The following RABGAP1L variants were observed in gnomAD, a reference collection of about 807,000 sequenced individuals.
RABGAP1L encodes RAB GTPase activating protein 1 like.
In RABGAP1L, 63 loss-of-function variants were observed where a neutral mutation model predicts 137.7. The observed-to-expected ratio is 0.46, with a 90% CI of 0.37 to 0.56. The LOEUF is 0.56. Ranked by LOEUF, RABGAP1L falls within the 20% of genes least tolerant of loss-of-function variation. The pLI, the probability that RABGAP1L is intolerant of heterozygous loss-of-function variation, is 0.00. For synonymous variants in RABGAP1L, 431 were observed against 433.7 expected, an observed-to-expected ratio of 0.99 and a Z score of 0.08; for missense variants, 1,095 against 1,244.0, an observed-to-expected ratio of 0.88 and a Z score of 1.80.
intron 3 of RABGAP1L, among the ~76,000 whole-genome samples, chr1:174,224,516 A>G (rs530345266): frequency 7.0e-4 from 107 of 152,240 alleles, no homozygotes; most frequent in African/African-American, 1.1e-3. Flanking sequence ...TAGGTTATCT[A>G]TTTCTTCTTG....
intron 11 of RABGAP1L, among the ~76,000 whole-genome samples, chr1:174,323,020 A>G (rs991069816): frequency 2.0e-5 from 3 of 152,176 alleles, no homozygotes; most frequent in Non-Finnish European, 4.4e-5. Context: ...CTGAGAGAGA[A>G]TAAAATTGGT....
chr1:174,857,483 A>G (rs1200376468), intron 19 of RABGAP1L, among the ~76,000 whole-genome samples: 15 of 152,208 alleles, frequency 9.9e-5, no homozygotes. Context: ...CTCTAAAGCC[A>G]ATTCCAATAC....
At chr1:174,335,359 T>A (rs1681390817) in intron 11 of RABGAP1L, among the ~76,000 whole-genome samples, 1 of 152,222 alleles carries the variant, frequency 6.6e-6, no homozygotes, top group Non-Finnish European at 1.5e-5. Flanking sequence ...CCTTAGCCTG[T>A]AATTTAACTA....
intron 17 of RABGAP1L, 135 bp from the exon 18 acceptor site, chr1:174,752,178 A>T: frequency 1.5e-6 from 1 of 673,164 alleles, no homozygotes; most frequent in East Asian, 3.2e-5. Context: ...TTAAAAAAAA[A>T]CTCATGGTTT....
chr1:174,353,036 G>A (rs193102632), intron 11 of RABGAP1L, among the ~76,000 whole-genome samples: 166 of 152,282 alleles, frequency 1.1e-3, no homozygotes, highest in Middle Eastern at 6.8e-3. Context: ...CCTGAAGCCA[G>A]CATAGCACAG....
chr1:174,274,830 A>G (rs898889062), intron 8 of RABGAP1L, among the ~76,000 whole-genome samples: 1 of 152,102 alleles, frequency 6.6e-6, no homozygotes, highest in African/African-American at 2.4e-5. Flanking sequence ...GACTGACACA[A>G]TTTTATAGGG....
At chr1:174,255,047 G>A (rs1363342162) in intron 7 of RABGAP1L, among the ~76,000 whole-genome samples, 2 of 152,094 alleles carry the variant, frequency 1.3e-5, no homozygotes, top group Non-Finnish European at 2.9e-5. Flanking sequence ...GTGTGAGATG[G>A]TATCTCATTG....
rs766196512 is a variant in RABGAP1L, at chr1:174,683,593, G to A, written c.1896G>A (p.Leu632=). 7.5e-6 allele frequency: 12 copies of A among 1,599,870 alleles called. No individual in the cohort carries two copies. In the East Asian group the frequency reaches 1.8e-4, roughly 24 times the overall value. Residue 632 remains leucine, a synonymous_variant, in exon 15 of 26, where the codon CTG becomes CTA. Coordinates refer to ENST00000681986, the MANE Select transcript of RABGAP1L (RefSeq NM_001366446.1). ...CTTTTCTTGCTGCTGTATTACTGCT[G>A]CATGTAAGTAATGGTCCGTGTGATA... The part of the protein sequence containing the change: ...GQSFLAAVLL[L]HMPEEQAFCV...
chr1:174,281,618 C>T (rs951395747), intron 10 of RABGAP1L, among the ~76,000 whole-genome samples: 3 of 152,124 alleles, frequency 2.0e-5, no homozygotes, highest in Non-Finnish European at 1.5e-5. Context: ...TATAAATGCC[C>T]AGAGAACTAG....
rs1284154147 is a variant in RABGAP1L at position 174,990,200 on chromosome 1, T to A, written c.*199T>A. On this transcript the variant is annotated 3_prime_UTR_variant, in exon 26 of 26. Transcript: ENST00000681986. ...GACCTGTTCTATGTTGAATACCTAT[T>A]TTCCAGCTTCTGGAAGGCCATGTTC... The A allele has an allele frequency of 5.2e-6, 3 of 576,518 alleles. No individual in the cohort carries two copies. Among genetic ancestry groups the A allele is most frequent in the African/African-American group, 4.8e-5 (2 of 41,438 alleles). The allele number at this position is 576,518 out of a possible 1,614,324, so 35.7% of individuals were successfully genotyped here. A position where few individuals can be genotyped will look rare whatever the true frequency, so the allele number is the denominator to read the frequency against.
intron 14 of RABGAP1L, among the ~76,000 whole-genome samples, chr1:174,651,486 C>T (rs1054405305): frequency 6.6e-6 from 1 of 152,116 alleles, no homozygotes; most frequent in African/African-American, 2.4e-5. Flanking sequence ...CTTGGTAGGT[C>T]ACTCAGGACT....
At chr1:174,718,385 C>T (rs1025284512) in intron 17 of RABGAP1L, among the ~76,000 whole-genome samples, 2 of 152,194 alleles carry the variant, frequency 1.3e-5, no homozygotes, top group Non-Finnish European at 2.9e-5. Flanking sequence ...CTAAGAATCT[C>T]TACCTCACTT....
intron 20 of RABGAP1L, among the ~76,000 whole-genome samples, chr1:174,962,294 G>T (rs1189481742): frequency 1.4e-5 from 2 of 140,734 alleles, no homozygotes; most frequent in African/African-American, 2.7e-5. Context: ...AATACTAAAA[G>T]AATCTGGAAT....
intron 7 of RABGAP1L, among the ~76,000 whole-genome samples, chr1:174,258,601 C>T (rs1164813669): frequency 6.6e-6 from 1 of 152,066 alleles, no homozygotes; most frequent in Non-Finnish European, 1.5e-5. Context: ...CTGTGCCTGA[C>T]CCAAATCTTT....
chr1:174,710,149 G>T (rs1337291700), intron 17 of RABGAP1L, among the ~76,000 whole-genome samples: 1 of 152,310 alleles, frequency 6.6e-6, no homozygotes, highest in African/African-American at 2.4e-5. Flanking sequence ...AAGCCTCCAA[G>T]AAATATGGGA....
At chr1:174,170,933 C>T (rs1411897724) in intron 1 of RABGAP1L, among the ~76,000 whole-genome samples, 2 of 152,240 alleles carry the variant, frequency 1.3e-5, no homozygotes, top group East Asian at 1.9e-4. Flanking sequence ...ATCTTGTACA[C>T]ATATTTGTTT....
At chr1:174,666,847 A>G (rs1178104419) in intron 14 of RABGAP1L, among the ~76,000 whole-genome samples, 1 of 152,088 alleles carries the variant, frequency 6.6e-6, no homozygotes, top group Non-Finnish European at 1.5e-5. Flanking sequence ...AAAACTAAAA[A>G]CTTTCTTTAA....
At chr1:174,399,279 T>A (rs775868126) in intron 13 of RABGAP1L, among the ~76,000 whole-genome samples, 3 of 152,072 alleles carry the variant, frequency 2.0e-5, no homozygotes, top group Non-Finnish European at 2.9e-5. Flanking sequence ...AGAGTGTATG[T>A]GGGTACTTTG....
chr1:174,724,618 A>G (rs966233744), intron 17 of RABGAP1L, among the ~76,000 whole-genome samples: 1 of 152,216 alleles, frequency 6.6e-6, no homozygotes, highest in African/African-American at 2.4e-5. Flanking sequence ...TCATTTATTA[A>G]ATATTGAACA....
Sources: gnomAD v4.1 joint callset for allele counts (sites outside exome capture counted in the v4.1 genomes callset) on GRCh38, gnomAD v4.1.1 for gene constraint, MANE v1.5 for transcripts, NCBI Gene and HGNC (gene_info 2026-07-23, HGNC 2026-07-21) for gene names.